The following KLHL3 variants were observed in gnomAD, a reference collection of about 807,000 sequenced individuals.
KLHL3 encodes the protein kelch like family member 3.
A neutral mutation model predicts 70.5 loss-of-function variants in KLHL3; 19 were observed. That is an observed-to-expected ratio of 0.27 (90% CI 0.19 to 0.40). KLHL3 has a LOEUF of 0.40. Ranked by LOEUF, KLHL3 falls within the 10% of genes least tolerant of loss-of-function variation. The pLI, the probability that KLHL3 is intolerant of heterozygous loss-of-function variation, is 1.00. For missense variants in KLHL3, 512 were observed against 771.1 expected (o/e 0.66, Z 3.98); for synonymous variants, 258 against 290.3 (o/e 0.89, Z 1.13).
At position 137,677,751 on chromosome 5, in the gene KLHL3, A is replaced by G. The variant is rs1289781989; in HGVS notation, c.527-97T>C. 5 of 690,592 alleles carry G rather than the reference A, an allele frequency of 7.2e-6. No homozygotes were observed. The Admixed American group carries it at 1.5e-4, about 21-fold the overall frequency. 42.8% of individuals were successfully genotyped at this position (690,592 alleles called of 1,614,324 possible). A position where few individuals can be genotyped will look rare whatever the true frequency, so the allele number is the denominator to read the frequency against. ...TGTGGGATTCACAGTAGAGTCCTGG[A>G]GCAGGCCAGGGGGACCATGGAGGGA... On this transcript the variant is annotated intron_variant, in intron 5 of 14. Coordinates refer to ENST00000309755, the MANE Select transcript of KLHL3 (RefSeq NM_017415.3).
chr5:137,646,548 C>CCT (rs1340225246), intron 8 of KLHL3, among the ~76,000 whole-genome samples: 9 of 152,076 alleles, frequency 5.9e-5, no homozygotes, highest in Admixed American at 5.2e-4. Context: ...GAGTATTTCC[C>CCT]ACAGTCTACA....
chr5:137,652,333 G>A (rs769585486), intron 8 of KLHL3, among the ~76,000 whole-genome samples: 9 of 152,184 alleles, frequency 5.9e-5, no homozygotes, highest in Non-Finnish European at 1.3e-4. Flanking sequence ...CAAAGGAAAT[G>A]AAATCAGTAT....
In KLHL3 at chr5:137,692,292, G is replaced by A. The variant is rs752728454; in HGVS notation, c.519C>T (p.Ala173=). ...TCTDLLQQAN[A]YAEQHFPEVM... ...AGTCCGGCTCCCCCTTACCTGCGTA[G>A]GCATTGGCCTGCTGCAGAAGGTCAG... Residue 173 remains alanine, a synonymous_variant, in exon 5 of 15, where the codon GCC becomes GCT. Transcript: ENST00000309755. 4 of 1,612,016 alleles carry A rather than the reference G, an allele frequency of 2.5e-6. No homozygotes were observed. Among genetic ancestry groups the A allele is most frequent in the Non-Finnish European group, 3.4e-6 (4 of 1,179,606 alleles).
chr5:137,682,476 G>GA (rs1174521528), intron 5 of KLHL3, among the ~76,000 whole-genome samples: 7 of 148,678 alleles, frequency 4.7e-5, no homozygotes, highest in Non-Finnish European at 7.5e-5. Flanking sequence ...TTTCTTTGGG[G>GA]AAAAAAGAGA....
intron 6 of KLHL3, chr5:137,672,733 A>G (rs1354017936): frequency 6.6e-6 from 1 of 152,198 alleles, no homozygotes; most frequent in African/African-American, 2.4e-5. Context: ...TTCAACAGCA[A>G]AACTGCACTC....
At chr5:137,642,088 T>C (rs576716109) in intron 8 of KLHL3, among the ~76,000 whole-genome samples, 1 of 152,344 alleles carries the variant, frequency 6.6e-6, no homozygotes, top group East Asian at 1.9e-4. Flanking sequence ...TAACCTACTC[T>C]TCAAGGGCAG....
rs554963121 is a variant in KLHL3 at position 137,652,401 on chromosome 5, T to C, written c.903+5730A>G. Reference sequence around the variant, plus strand: ...AGCATTAGTTGCAAGAGCCAAGATGTGGAATCAAGCTACATGTCCATCAAC... The same window carrying C: ...AGCATTAGTTGCAAGAGCCAAGATGCGGAATCAAGCTACATGTCCATCAAC... On this transcript the variant is annotated intron_variant, in intron 8 of 14. Coordinates refer to ENST00000309755, the MANE Select transcript of KLHL3 (RefSeq NM_017415.3). Among the ~76,000 whole-genome samples the C allele has an allele frequency of 4.6e-5, 7 of 152,308 alleles. No homozygotes were observed. In the East Asian group the frequency reaches 1.3e-3, roughly 29 times the overall value.
At chr5:137,679,627 T>C (rs765454644) in intron 5 of KLHL3, among the ~76,000 whole-genome samples, 1 of 152,226 alleles carries the variant, frequency 6.6e-6, no homozygotes, top group African/African-American at 2.4e-5. Context: ...TTCTAGGTGA[T>C]GTGGGGAACA....
intron 12 of KLHL3, among the ~76,000 whole-genome samples, chr5:137,630,134 C>T (rs535291534): frequency 6.6e-6 from 1 of 152,312 alleles, no homozygotes; most frequent in East Asian, 1.9e-4. Context: ...AGAGGTGAGA[C>T]TTGCCCAAAT....
intron 14 of KLHL3, among the ~76,000 whole-genome samples, chr5:137,625,422 A>G (rs1258983298): frequency 6.6e-6 from 1 of 152,262 alleles, no homozygotes; most frequent in Non-Finnish European, 1.5e-5. Flanking sequence ...AAAGTAAACC[A>G]GGAATGGCAA....
chr5:137,723,674 C>A (rs1300756141), intron 1 of KLHL3, among the ~76,000 whole-genome samples: 1 of 152,094 alleles, frequency 6.6e-6, no homozygotes, highest in Non-Finnish European at 1.5e-5. Flanking sequence ...GCATATAATG[C>A]CAGAGATTTT....
At chr5:137,638,800 C>T (rs903826487) in intron 10 of KLHL3, among the ~76,000 whole-genome samples, 153 bp downstream of exon 10, 16 of 152,182 alleles carry the variant, frequency 1.1e-4, no homozygotes, top group African/African-American at 3.9e-4. Context: ...TGGCTCTTCA[C>T]CCAAAAGCTG....
At chr5:137,629,961 T>C (rs1361898205) in intron 12 of KLHL3, 4 of 152,216 alleles carry the variant, frequency 2.6e-5, no homozygotes, top group African/African-American at 9.6e-5. Flanking sequence ...TCTGCCCTAG[T>C]GCAGCCTCAT....
intron 6 of KLHL3, among the ~76,000 whole-genome samples, chr5:137,665,232 C>T (rs547149125): frequency 1.2e-4 from 19 of 152,130 alleles, no homozygotes; most frequent in African/African-American, 4.1e-4. Flanking sequence ...AACTAAATGC[C>T]GTGCATAAAC....
intron 2 of KLHL3, among the ~76,000 whole-genome samples, chr5:137,710,088 T>C (rs1752763985): frequency 6.6e-6 from 1 of 152,196 alleles, no homozygotes; most frequent in Non-Finnish European, 1.5e-5. Context: ...CCAACTACTC[T>C]GTGGCTGTAA....
intron 8 of KLHL3, among the ~76,000 whole-genome samples, chr5:137,642,231 C>G (rs7728193): frequency 0.35 from 53,925 of 152,030 alleles, 10,289 homozygotes; most frequent in East Asian, 0.53. Context: ...AGAATAAAAG[C>G]AGTTTTAAGT....
intron 5 of KLHL3, among the ~76,000 whole-genome samples, chr5:137,691,192 G>A (rs1352959593): frequency 6.6e-6 from 1 of 152,178 alleles, no homozygotes; most frequent in Non-Finnish European, 1.5e-5. Flanking sequence ...ACAAGAATTA[G>A]TGGTAGAACC....
chr5:137,720,313 A>T, intron 2 of KLHL3, 152 bp downstream of exon 2: 6 of 876,020 alleles, frequency 6.8e-6, no homozygotes, highest in Non-Finnish European at 1.0e-5. Flanking sequence ...AAAAAAAAAA[A>T]GAGAGAAAGA....
intron 6 of KLHL3, among the ~76,000 whole-genome samples, chr5:137,671,219 G>A (rs868013989): frequency 6.6e-6 from 1 of 151,914 alleles, no homozygotes; most frequent in Non-Finnish European, 1.5e-5. Flanking sequence ...CAAGTCTTTA[G>A]TAGGAATAGT....
Sources: allele counts gnomAD v4.1 joint callset (sites outside exome capture counted in the v4.1 genomes callset), GRCh38; gene constraint gnomAD v4.1.1; transcripts MANE v1.5; gene names NCBI Gene and HGNC (gene_info 2026-07-23, HGNC 2026-07-21).